Variants in SMAP2 observed in about 807,000 individuals in gnomAD.
SMAP2 encodes stromal membrane-associated protein 2.
A neutral mutation model predicts 56.4 loss-of-function variants in SMAP2; 25 were observed. The ratio of observed to expected loss-of-function variants is 0.44; its 90% CI spans 0.32 to 0.62. The LOEUF is 0.62. SMAP2 is among the 20% of genes least tolerant of loss of function. The pLI is 0.04. For missense variants in SMAP2, 388 were observed against 545.6 expected, an observed-to-expected ratio of 0.71 and a Z score of 2.88; for synonymous variants, 157 against 181.7, an observed-to-expected ratio of 0.86 and a Z score of 1.09.
intron 1 of SMAP2, among the ~76,000 whole-genome samples, chr1:40,351,993 C>T (rs891476482): frequency 6.6e-6 from 1 of 152,086 alleles, no homozygotes; most frequent in African/African-American, 2.4e-5. Flanking sequence ...GGCCCTCTCT[C>T]CCCAAGACTG....
chr1:40,404,280 C>T (rs897855652), intron 1 of SMAP2, among the ~76,000 whole-genome samples: 6 of 152,158 alleles, frequency 3.9e-5, no homozygotes, highest in African/African-American at 1.2e-4. Context: ...TGGGATATAA[C>T]TATCACTATA....
At chr1:40,404,843 C>T (rs1036904516) in intron 1 of SMAP2, among the ~76,000 whole-genome samples, 8 of 152,118 alleles carry the variant, frequency 5.3e-5, no homozygotes, top group African/African-American at 1.4e-4. Flanking sequence ...TTGTGTTTGA[C>T]GTGACACTCT....
In SMAP2 at chr1:40,422,176, C is replaced by T. The variant is rs1645050329; in HGVS notation, c.*75C>T. On this transcript the variant is annotated 3_prime_UTR_variant, in exon 10 of 10. Coordinates refer to ENST00000372718, the MANE Select transcript of SMAP2 (RefSeq NM_022733.3). ...TTTCCACAGCCTCCACCCCTGACCC[C>T]CATCCTCTTTTCCTACCTCTCTGTT... The T allele has an allele frequency of 6.3e-7, 1 of 1,574,942 alleles. No individual in the cohort carries two copies. The highest frequency in any genetic ancestry group is 1.8e-5 in the Admixed American group (1 of 56,144).
At chr1:40,379,313 A>G (rs1349334408) in intron 1 of SMAP2, among the ~76,000 whole-genome samples, 1 of 152,130 alleles carries the variant, frequency 6.6e-6, no homozygotes, top group African/African-American at 2.4e-5. Flanking sequence ...GAGATAATGT[A>G]TGCATAGACA....
chr1:40,388,831 C>A (rs1272275777), intron 1 of SMAP2, among the ~76,000 whole-genome samples: 1 of 152,214 alleles, frequency 6.6e-6, no homozygotes, highest in Non-Finnish European at 1.5e-5. Flanking sequence ...TGGGTCCACA[C>A]TGCCTTTATG....
Position 40,374,314 on chromosome 1 carries a change from C to A in SMAP2, c.103+91C>A. 9.2e-7 allele frequency: 1 copy of A among 1,084,792 alleles called. No homozygotes were observed. The highest frequency in any genetic ancestry group is 1.4e-6 in the Non-Finnish European group (1 of 722,638). The allele number at this position is 1,084,792 out of a possible 1,614,324, so 67.2% of individuals were successfully genotyped here. On this transcript the variant is annotated intron_variant, in intron 1 of 9. Transcript: ENST00000372718. The surrounding 1 kb of genome is among the most constrained non-coding windows in gnomAD (Gnocchi z 5.9). ...AAGAGGCGGTTTCTGAAGCTTAGGC[C>A]GCCCAACTCGGCTTATAAGTGGTAA...
intron 6 of SMAP2, among the ~76,000 whole-genome samples, chr1:40,414,941 C>T (rs1367628853): frequency 1.3e-5 from 2 of 152,146 alleles, no homozygotes; most frequent in Non-Finnish European, 2.9e-5. Context: ...TGTACCTTTC[C>T]TTGCTCTCTG....
chr1:40,403,754 T>A lies in SMAP2; in HGVS notation c.104-2982T>A, dbSNP rs192486723. On this transcript the variant is annotated intron_variant, in intron 1 of 9. Coordinates refer to ENST00000372718, the MANE Select transcript of SMAP2 (RefSeq NM_022733.3). Reference sequence around the variant, plus strand: ...AACTAAGGCTCAGGAAATGTAAGTATCTCTCAGAAGGTCACACAGGTAATC... The same window carrying A: ...AACTAAGGCTCAGGAAATGTAAGTAACTCTCAGAAGGTCACACAGGTAATC... 7.4e-5 allele frequency: 49 copies of A among 665,082 alleles called. No homozygotes were observed. In the African/African-American group the frequency reaches 8.6e-4, roughly 12 times the overall value. The allele number at this position is 665,082 out of a possible 1,614,324, so 41.2% of individuals were successfully genotyped here.
intron 1 of SMAP2, among the ~76,000 whole-genome samples, chr1:40,387,601 A>C (rs1000082050): frequency 7.0e-6 from 1 of 143,142 alleles, no homozygotes; most frequent in Non-Finnish European, 1.5e-5. Flanking sequence ...TAAGGGACCT[A>C]AGGAACATAA....
Position 40,374,869 on chromosome 1 carries a change from C to G in SMAP2, c.103+646C>G, listed in dbSNP as rs548584166. On this transcript the variant is annotated intron_variant, in intron 1 of 9. Coordinates refer to ENST00000372718, the MANE Select transcript of SMAP2 (RefSeq NM_022733.3). The surrounding 1 kb of genome is among the most constrained non-coding windows in gnomAD (Gnocchi z 5.9). ...AGTGCGGATTTCTAGGCAGTGTAGC[C>G]CTGGCTTGTAGAGTGCGTTGGAGGC... 2 of 985,226 alleles carry G rather than the reference C, an allele frequency of 2.0e-6. No homozygotes were observed. The highest frequency in any genetic ancestry group is 3.5e-5 in the African/African-American group (2 of 57,234). The allele number at this position is 985,226 out of a possible 1,614,324, so 61.0% of individuals were successfully genotyped here.
At position 40,374,343 on chromosome 1, in the gene SMAP2, G is replaced by T; in HGVS notation, c.103+120G>T. 1.2e-6 allele frequency: 1 copy of T among 842,438 alleles called. No individual in the cohort carries two copies. The allele number at this position is 842,438 out of a possible 1,614,324, so 52.2% of individuals were successfully genotyped here. On this transcript the variant is annotated intron_variant, in intron 1 of 9. Transcript: ENST00000372718. The surrounding 1 kb of genome is among the most constrained non-coding windows in gnomAD (Gnocchi z 5.9). ...CAACTCGGCTTATAAGTGGTAACGCGTGCTGCGCTTGCAGTGAGCCTACTG... is the reference window on the plus strand; with the variant it reads ...CAACTCGGCTTATAAGTGGTAACGCTTGCTGCGCTTGCAGTGAGCCTACTG...
intron 9 of SMAP2, among the ~76,000 whole-genome samples, chr1:40,421,055 T>A (rs2124387176): frequency 6.6e-6 from 1 of 151,934 alleles, no homozygotes; most frequent in East Asian, 1.9e-4. Flanking sequence ...TTTTTTTTAA[T>A]CTGCAACTTT....
At chr1:40,410,399 G>T (rs1644923311) in intron 4 of SMAP2, among the ~76,000 whole-genome samples, 1 of 151,402 alleles carries the variant, frequency 6.6e-6, no homozygotes, top group South Asian at 2.1e-4. Context: ...TCTTGGGATG[G>T]ACATGTTGCA....
chr1:40,420,951 C>T (rs1048282798), intron 9 of SMAP2, among the ~76,000 whole-genome samples: 2 of 151,464 alleles, frequency 1.3e-5, no homozygotes, highest in African/African-American at 2.4e-5. Flanking sequence ...AATTCTTGAG[C>T]GTGTTCATTG....
At chr1:40,411,325 T>G (rs1644933578) in intron 4 of SMAP2, among the ~76,000 whole-genome samples, 1 of 152,234 alleles carries the variant, frequency 6.6e-6, no homozygotes, top group African/African-American at 2.4e-5. Context: ...TCGTTTTATT[T>G]GTAGAAAACT....
intron 1 of SMAP2, among the ~76,000 whole-genome samples, chr1:40,383,158 T>A (rs1909074): frequency 0.19 from 28,751 of 152,038 alleles, 3,319 homozygotes; most frequent in Middle Eastern, 0.32. Context: ...CGATTAGCAA[T>A]GCCTGGGAAC....
intron 6 of SMAP2, 74 bp from the exon 7 acceptor site, chr1:40,415,198 T>C (rs982276961): frequency 3.4e-6 from 4 of 1,185,552 alleles, no homozygotes; most frequent in African/African-American, 3.0e-5. Context: ...CCACCTTTGC[T>C]TTTTGTCTAG....
intron 1 of SMAP2, among the ~76,000 whole-genome samples, chr1:40,397,733 C>T (rs1054114338): frequency 2.6e-5 from 4 of 152,088 alleles, no homozygotes; most frequent in African/African-American, 9.7e-5. Flanking sequence ...CTGTAAGCAA[C>T]TCGAACAAGA....
chr1:40,376,506 G>A (rs1644542690), intron 1 of SMAP2, among the ~76,000 whole-genome samples: 1 of 152,106 alleles, frequency 6.6e-6, no homozygotes, highest in Admixed American at 6.5e-5. Flanking sequence ...ATAGGCATTT[G>A]TTGAGGCCTC....
Sources: gnomAD v4.1 joint callset for allele counts (sites outside exome capture counted in the v4.1 genomes callset) on GRCh38, gnomAD v4.1.1 for gene constraint, Gnocchi (gnomAD v3.1) non-coding constraint, MANE v1.5 for transcripts, NCBI Gene and HGNC (gene_info 2026-07-23, HGNC 2026-07-21) for gene names.